Variants in RBFOX1 observed in about 807,000 individuals in gnomAD.
RBFOX1 encodes RNA binding protein fox-1 homolog 1.
In RBFOX1, 8 loss-of-function variants were observed where a neutral mutation model predicts 57.7. That is an observed-to-expected ratio of 0.14 (90% CI 0.08 to 0.25). RBFOX1 has a LOEUF of 0.25. RBFOX1 is among the 10% of genes least tolerant of loss of function. RBFOX1 has a pLI of 1.00. For missense variants in RBFOX1, 611 were observed against 548.5 expected, an observed-to-expected ratio of 1.11 and a Z score of -1.14; for synonymous variants, 326 against 222.4, an observed-to-expected ratio of 1.47 and a Z score of -4.15.
chr16:5,768,774 A>C (rs1187181234), intron 3 of RBFOX1, among the ~76,000 whole-genome samples: 1 of 152,170 alleles, frequency 6.6e-6, no homozygotes, highest in Non-Finnish European at 1.5e-5. Flanking sequence ...TTTAGTAGCA[A>C]ATGGCTTCTG....
chr16:6,486,659 A>ATTTT (rs71145235), intron 2 of RBFOX1, among the ~76,000 whole-genome samples: 1 of 148,758 alleles, frequency 6.7e-6, no homozygotes, highest in African/African-American at 2.5e-5. Flanking sequence ...TAATTTTATT[A>ATTTT]TTTTTTTTTT....
chr16:7,420,886 T>C (rs2098534698), intron 4 of RBFOX1, among the ~76,000 whole-genome samples: 1 of 140,678 alleles, frequency 7.1e-6, no homozygotes, highest in African/African-American at 2.9e-5. Context: ...TTTTAAAATA[T>C]ATATATATAT....
intron 1 of RBFOX1, among the ~76,000 whole-genome samples, chr16:6,308,017 A>G (rs1444338096): frequency 6.7e-6 from 1 of 150,236 alleles, no homozygotes; most frequent in African/African-American, 2.4e-5. Flanking sequence ...ATTTTTATAA[A>G]TGATATTTAT....
chr16:7,448,641 A>T (rs2098826853), intron 4 of RBFOX1, among the ~76,000 whole-genome samples: 1 of 152,162 alleles, frequency 6.6e-6, no homozygotes, highest in African/African-American at 2.4e-5. Context: ...GGCACAGCAT[A>T]ACTGTAGCAA....
chr16:6,052,733 G>T (rs925380399), intron 1 of RBFOX1, among the ~76,000 whole-genome samples: 7 of 151,470 alleles, frequency 4.6e-5, no homozygotes, highest in African/African-American at 1.7e-4. Flanking sequence ...GCAGTGAGCC[G>T]AGATCGCGCC....
chr16:7,156,565 A>G (rs2077191263), intron 4 of RBFOX1, among the ~76,000 whole-genome samples: 1 of 152,126 alleles, frequency 6.6e-6, no homozygotes, highest in Non-Finnish European at 1.5e-5. Flanking sequence ...ATATGTGTAC[A>G]TATGTATGCA....
At chr16:6,334,656 A>T (rs979263158) in intron 2 of RBFOX1, among the ~76,000 whole-genome samples, 1 of 152,212 alleles carries the variant, frequency 6.6e-6, no homozygotes, top group Non-Finnish European at 1.5e-5. Context: ...GAGTGAAATA[A>T]GACAGAGGAC....
chr16:6,042,997 G>C (rs1337219386), intron 1 of RBFOX1, among the ~76,000 whole-genome samples: 1 of 151,714 alleles, frequency 6.6e-6, no homozygotes, highest in Non-Finnish European at 1.5e-5. Context: ...TGCACCTGTA[G>C]TCCCAGGTAC....
intron 10 of RBFOX1, among the ~76,000 whole-genome samples, chr16:7,616,294 C>G (rs2058432228): frequency 6.6e-6 from 1 of 152,232 alleles, no homozygotes; most frequent in African/African-American, 2.4e-5. Context: ...TCTCACCGTG[C>G]AGTCACACAG....
chr16:6,771,724 C>T (rs1007369832), intron 3 of RBFOX1, among the ~76,000 whole-genome samples: 1 of 152,164 alleles, frequency 6.6e-6, no homozygotes, highest in African/African-American at 2.4e-5. Flanking sequence ...TGGCGTCTAG[C>T]GGGTGGAGGC....
At chr16:7,448,702 C>G (rs1252076458) in intron 4 of RBFOX1, among the ~76,000 whole-genome samples, 1 of 152,140 alleles carries the variant, frequency 6.6e-6, no homozygotes, top group Non-Finnish European at 1.5e-5. Flanking sequence ...CCCAGCAATC[C>G]TGGGTGATCC....
chr16:6,304,903 C>G (rs1316534324), intron 1 of RBFOX1, among the ~76,000 whole-genome samples: 1 of 99,782 alleles, frequency 1.0e-5, no homozygotes, highest in Admixed American at 9.7e-5. Context: ...AAAAGGAATT[C>G]CTATATCTGA....
intron 3 of RBFOX1, among the ~76,000 whole-genome samples, chr16:5,631,722 A>G (rs1316774244): frequency 2.0e-5 from 3 of 152,012 alleles, no homozygotes; most frequent in Non-Finnish European, 4.4e-5. Context: ...TGTACTTAGT[A>G]TTGAGTTTTG....
intron 3 of RBFOX1, among the ~76,000 whole-genome samples, chr16:6,942,627 G>A (rs918506051): frequency 7.9e-5 from 12 of 152,226 alleles, no homozygotes; most frequent in Admixed American, 3.3e-4. Flanking sequence ...TGCAGGAGAC[G>A]GTGCTAGGCA....
At chr16:7,272,188 A>G (rs1262728957) in intron 4 of RBFOX1, among the ~76,000 whole-genome samples, 4 of 151,872 alleles carry the variant, frequency 2.6e-5, no homozygotes, top group South Asian at 2.1e-4. Flanking sequence ...CCATTTCCCT[A>G]TTTTATTTTT....
intron 1 of RBFOX1, among the ~76,000 whole-genome samples, chr16:5,391,576 A>C (rs1440556133): frequency 5.9e-5 from 9 of 152,154 alleles, no homozygotes; most frequent in Admixed American, 5.9e-4. Flanking sequence ...CAGTTCTGGA[A>C]GCCAAGGCTC....
chr16:6,676,939 G>A (rs1289921894), intron 3 of RBFOX1, among the ~76,000 whole-genome samples: 1 of 151,842 alleles, frequency 6.6e-6, no homozygotes, highest in East Asian at 1.9e-4. Flanking sequence ...GCCTCCCAAA[G>A]TGCTGGGATT....
At chr16:7,632,756 G>T (rs1428554839) in intron 11 of RBFOX1, among the ~76,000 whole-genome samples, 3 of 152,190 alleles carry the variant, frequency 2.0e-5, no homozygotes, top group Admixed American at 2.0e-4. Context: ...ATCCAGCATA[G>T]TGCTGATGGA....
intron 14 of RBFOX1, among the ~76,000 whole-genome samples, chr16:7,684,776 T>C (rs1401162205): frequency 1.3e-5 from 2 of 152,128 alleles, no homozygotes; most frequent in Non-Finnish European, 2.9e-5. Context: ...TGTTTGTGGA[T>C]GACTACTACC....
Sources: gnomAD v4.1 joint callset for allele counts (sites outside exome capture counted in the v4.1 genomes callset) on GRCh38, gnomAD v4.1.1 for gene constraint, MANE v1.5 for transcripts, NCBI Gene and HGNC (gene_info 2026-07-23, HGNC 2026-07-21) for gene names.